Variants in LRRC4C observed in about 807,000 individuals in gnomAD.
The protein encoded by LRRC4C is leucine rich repeat containing 4C, also known as leucine-rich repeat-containing protein 4C.
In LRRC4C, 5 loss-of-function variants were observed where a neutral mutation model predicts 33.6. The ratio of observed to expected loss-of-function variants is 0.15; its 90% CI spans 0.08 to 0.31. The LOEUF is 0.31. Ranked by LOEUF, LRRC4C falls within the 10% of genes least tolerant of loss-of-function variation. The pLI is 1.00. For synonymous variants in LRRC4C, 329 were observed against 302.0 expected, an observed-to-expected ratio of 1.09 and a Z score of -0.93; for missense variants, 560 against 796.7, an observed-to-expected ratio of 0.70 and a Z score of 3.58.
chr11:40,745,129 C>T (rs1948352710), intron 2 of LRRC4C, among the ~76,000 whole-genome samples: 2 of 152,092 alleles, frequency 1.3e-5, no homozygotes, highest in African/African-American at 4.8e-5. Context: ...TGTTTATGGT[C>T]CTGATAAAAG....
At chr11:41,124,068 T>A (rs1258304913) in intron 1 of LRRC4C, among the ~76,000 whole-genome samples, 1 of 152,198 alleles carries the variant, frequency 6.6e-6, no homozygotes, top group Non-Finnish European at 1.5e-5. Flanking sequence ...TGGTTTCTTT[T>A]GGTGAATACA....
chr11:41,437,325 C>T (rs1205495812), intron 1 of LRRC4C, among the ~76,000 whole-genome samples: 1 of 151,946 alleles, frequency 6.6e-6, no homozygotes, highest in Non-Finnish European at 1.5e-5. Context: ...TTACCTTTTC[C>T]AATATTATCT....
chr11:41,373,394 C>T (rs1048117996), intron 1 of LRRC4C, among the ~76,000 whole-genome samples: 6 of 152,108 alleles, frequency 3.9e-5, no homozygotes, highest in African/African-American at 1.4e-4. Flanking sequence ...AAATGTAGTA[C>T]ATTGTAAAAC....
chr11:40,877,763 A>AAAC (rs1045281578), intron 2 of LRRC4C, among the ~76,000 whole-genome samples: 2 of 152,080 alleles, frequency 1.3e-5, no homozygotes, highest in South Asian at 2.1e-4. Context: ...GTTCACATTA[A>AAAC]AACAACAACA....
intron 2 of LRRC4C, among the ~76,000 whole-genome samples, chr11:40,739,359 T>C (rs1448892737): frequency 6.6e-6 from 1 of 151,926 alleles, no homozygotes; most frequent in African/African-American, 2.4e-5. Flanking sequence ...GTCCTTCAGA[T>C]TCATCCACAT....
intron 1 of LRRC4C, among the ~76,000 whole-genome samples, chr11:41,352,963 C>A (rs536360596): frequency 6.6e-6 from 1 of 151,874 alleles, no homozygotes; most frequent in Admixed American, 6.6e-5. Context: ...CCTCAAAGAA[C>A]GAGAAAAACA....
intron 2 of LRRC4C, among the ~76,000 whole-genome samples, chr11:40,929,597 C>T (rs1160429051): frequency 6.6e-6 from 1 of 151,934 alleles, no homozygotes; most frequent in African/African-American, 2.4e-5. Context: ...TCTAGTTATT[C>T]AATTCTTTTT....
At chr11:41,069,273 A>G (rs561768885) in intron 1 of LRRC4C, among the ~76,000 whole-genome samples, 66 of 152,324 alleles carry the variant, frequency 4.3e-4, no homozygotes, top group African/African-American at 1.5e-3. Flanking sequence ...CATATCTCCA[A>G]ATAATACAAG....
At chr11:40,681,573 T>C (rs1237454719) in intron 2 of LRRC4C, among the ~76,000 whole-genome samples, 4 of 152,152 alleles carry the variant, frequency 2.6e-5, no homozygotes. Context: ...GTTCAGTTCA[T>C]AGAATGAGAA....
intron 5 of LRRC4C, among the ~76,000 whole-genome samples, chr11:40,155,236 A>T (rs1858584735): frequency 6.6e-6 from 1 of 152,124 alleles, no homozygotes; most frequent in African/African-American, 2.4e-5. Context: ...TTATGGCCCT[A>T]AATGCCCACA....
intron 1 of LRRC4C, among the ~76,000 whole-genome samples, chr11:41,273,769 T>C (rs569844540): frequency 5.3e-5 from 8 of 152,170 alleles, no homozygotes; most frequent in Non-Finnish European, 8.8e-5. Flanking sequence ...AAACAAAACA[T>C]AAGGAAATTT....
At chr11:40,440,432 T>C (rs1225054967) in intron 3 of LRRC4C, among the ~76,000 whole-genome samples, 1 of 151,844 alleles carries the variant, frequency 6.6e-6, no homozygotes, top group Non-Finnish European at 1.5e-5. Context: ...AAGTAGAATA[T>C]ATATATTCAA....
intron 3 of LRRC4C, among the ~76,000 whole-genome samples, chr11:40,382,684 ATTTTT>A (rs35200000): frequency 7.6e-5 from 5 of 65,568 alleles, no homozygotes; most frequent in African/African-American, 3.2e-4. Flanking sequence ...ACTTGTACTC[ATTTTT>A]TTTTTTTTTT....
intron 3 of LRRC4C, among the ~76,000 whole-genome samples, chr11:40,600,575 C>T (rs1293530134): frequency 2.6e-5 from 4 of 152,168 alleles, no homozygotes; most frequent in Non-Finnish European, 4.4e-5. Context: ...AGTACTGCTG[C>T]TTCACTTCTG....
intron 5 of LRRC4C, among the ~76,000 whole-genome samples, chr11:40,171,716 G>T (rs946437977): frequency 1.3e-5 from 2 of 152,022 alleles, no homozygotes; most frequent in African/African-American, 2.4e-5. Flanking sequence ...CCCCCCAACC[G>T]ATCTAATTTA....
At chr11:40,130,191 C>G (rs1856548806) in intron 6 of LRRC4C, among the ~76,000 whole-genome samples, 1 of 152,108 alleles carries the variant, frequency 6.6e-6, no homozygotes, top group African/African-American at 2.4e-5. Context: ...AAATCTCGAG[C>G]TCCATGTACT....
chr11:40,925,121 A>ATT (rs1957361736), intron 2 of LRRC4C, among the ~76,000 whole-genome samples: 1 of 114,206 alleles, frequency 8.8e-6, no homozygotes. Context: ...ATCCCCAAAT[A>ATT]TTTCTCTCTC....
chr11:41,057,797 C>G (rs943810567), intron 1 of LRRC4C, among the ~76,000 whole-genome samples: 1 of 152,144 alleles, frequency 6.6e-6, no homozygotes, highest in Non-Finnish European at 1.5e-5. Flanking sequence ...GATAATGGGA[C>G]AACCAGCTGC....
chr11:40,539,054 C>T (rs934500255), intron 3 of LRRC4C, among the ~76,000 whole-genome samples: 1 of 152,068 alleles, frequency 6.6e-6, no homozygotes. Flanking sequence ...TCTTTAGTCC[C>T]TCCACAAATA....
Sources: allele counts gnomAD v4.1 joint callset (sites outside exome capture counted in the v4.1 genomes callset), GRCh38; gene constraint gnomAD v4.1.1; transcripts MANE v1.5; gene names NCBI Gene and HGNC (gene_info 2026-07-23, HGNC 2026-07-21).